Variants in C2orf76 observed in about 807,000 individuals in gnomAD.
C2orf76 encodes UPF0538 protein C2orf76.
C2orf76 carries 23 observed loss-of-function variants against 16.9 expected under a neutral mutation model. The ratio of observed to expected loss-of-function variants is 1.36; its 90% confidence interval spans 0.98 to 1.93. C2orf76 has a LOEUF of 1.93. Ranked by LOEUF, C2orf76 falls within the 30% of genes most tolerant of loss-of-function variation. The pLI is 0.00. For synonymous variants in C2orf76, 48 were observed against 52.3 expected, an observed-to-expected ratio of 0.92 and a Z score of 0.35; for missense variants, 152 against 152.6, an observed-to-expected ratio of 1.00 and a Z score of 0.02.
intron 3 of C2orf76, among the ~76,000 whole-genome samples, 173 bp from the exon 4 acceptor site, chr2:119,317,676 T>C (rs562656963): frequency 1.3e-5 from 2 of 152,284 alleles, no homozygotes; most frequent in East Asian, 3.9e-4. Flanking sequence ...CTGTAGATCA[T>C]TAAAACTGAA....
chr2:119,364,111 G>A (rs1680843776), intron 1 of C2orf76, among the ~76,000 whole-genome samples: 1 of 152,070 alleles, frequency 6.6e-6, no homozygotes, highest in Non-Finnish European at 1.5e-5. Context: ...CAGAGAGAGA[G>A]GGAGAGGAGA....
chr2:119,334,214 G>C (rs777112242), intron 2 of C2orf76, among the ~76,000 whole-genome samples: 21 of 152,030 alleles, frequency 1.4e-4, no homozygotes, highest in Non-Finnish European at 1.9e-4. Flanking sequence ...AGTTGCCAAG[G>C]GTGCAGCATG....
chr2:119,286,881 T>C, the C2orf76 span, among the ~76,000 whole-genome samples: 1 of 152,104 alleles, frequency 6.6e-6, no homozygotes, highest in Non-Finnish European at 1.5e-5. Flanking sequence ...TGAGCTGACT[T>C]CTGTTGAGGA....
intron 1 of C2orf76, among the ~76,000 whole-genome samples, chr2:119,350,445 T>G (rs544984064): frequency 1.3e-5 from 2 of 152,278 alleles, no homozygotes; most frequent in South Asian, 4.1e-4. Context: ...AGCTAGTAAC[T>G]TACCCAGCTA....
At chr2:119,308,637 G>T (rs1318357891) in intron 5 of C2orf76, among the ~76,000 whole-genome samples, 1 of 152,106 alleles carries the variant, frequency 6.6e-6, no homozygotes, top group Non-Finnish European at 1.5e-5. Context: ...CAAGACTCTG[G>T]TCTCAAAACA....
chr2:119,304,560 G>T (rs1678716549), intron 5 of C2orf76, among the ~76,000 whole-genome samples: 1 of 152,206 alleles, frequency 6.6e-6, no homozygotes, highest in African/African-American at 2.4e-5. Context: ...GCAGTGTAAA[G>T]ATTTTATTTT....
chr2:119,329,326 C>T (rs1489190646), intron 2 of C2orf76, among the ~76,000 whole-genome samples: 1 of 152,206 alleles, frequency 6.6e-6, no homozygotes, highest in Non-Finnish European at 1.5e-5. Context: ...GATACTAATA[C>T]AGTCCCTCCA....
intron 5 of C2orf76, among the ~76,000 whole-genome samples, chr2:119,305,483 T>C (rs1678746661): frequency 6.6e-6 from 1 of 152,226 alleles, no homozygotes; most frequent in Admixed American, 6.5e-5. Context: ...TCTGAGTCCC[T>C]AGCCTCATGC....
chr2:119,319,853 T>C (rs1206417844), intron 3 of C2orf76, among the ~76,000 whole-genome samples: 1 of 152,112 alleles, frequency 6.6e-6, no homozygotes, highest in Non-Finnish European at 1.5e-5. Context: ...GAGGTGGCAG[T>C]CCCGGATGAC....
intron 1 of C2orf76, among the ~76,000 whole-genome samples, chr2:119,356,100 C>G (rs1363217967): frequency 6.6e-6 from 1 of 152,104 alleles, no homozygotes; most frequent in African/African-American, 2.4e-5. Context: ...GGACCAAAGA[C>G]GAAGTCTCAA....
chr2:119,366,285 T>A (rs1264805730), intron 1 of C2orf76: 5 of 386,876 alleles, frequency 1.3e-5, no homozygotes, highest in Admixed American at 3.2e-5. Context: ...AACAAATATT[T>A]GCTGAGCACT....
the C2orf76 span, among the ~76,000 whole-genome samples, chr2:119,287,039 C>T: frequency 5.3e-5 from 8 of 152,278 alleles, no homozygotes; most frequent in Admixed American, 2.0e-4. Flanking sequence ...GGCTCCATCA[C>T]TTAGGAGCTG....
At chr2:119,343,475 T>TACACAC (rs59651595) in intron 1 of C2orf76, among the ~76,000 whole-genome samples, 50 of 146,058 alleles carry the variant, frequency 3.4e-4, no homozygotes, top group South Asian at 1.8e-3. Context: ...CACCTATACC[T>TACACAC]ACACACACAC....
chr2:119,284,681 G>GT, the C2orf76 span, among the ~76,000 whole-genome samples: 15,631 of 133,516 alleles, frequency 0.12, 1,509 homozygotes, highest in African/African-American at 0.28. Context: ...TGGGATTTTG[G>GT]TTTTTTTTTT....
intron 5 of C2orf76, among the ~76,000 whole-genome samples, chr2:119,307,499 T>C (rs1469339664): frequency 2.0e-5 from 3 of 151,950 alleles, no homozygotes; most frequent in Non-Finnish European, 4.4e-5. Context: ...CTCACTAGAA[T>C]TTTTTGTTGC....
At chr2:119,320,206 TACAC>T (rs1431478931) in intron 3 of C2orf76, among the ~76,000 whole-genome samples, 1 of 152,028 alleles carries the variant, frequency 6.6e-6, no homozygotes, top group Non-Finnish European at 1.5e-5. Flanking sequence ...GATACACACA[TACAC>T]ACACACCATG....
chr2:119,353,984 T>C (rs931187568), intron 1 of C2orf76, among the ~76,000 whole-genome samples: 4 of 152,086 alleles, frequency 2.6e-5, no homozygotes, highest in African/African-American at 9.7e-5. Context: ...TGGTTAACAG[T>C]ACATTACAAA....
intron 1 of C2orf76, among the ~76,000 whole-genome samples, chr2:119,360,551 A>G (rs1437403038): frequency 6.6e-6 from 1 of 151,986 alleles, no homozygotes; most frequent in Non-Finnish European, 1.5e-5. Context: ...ATAACAGACT[A>G]TACGTATAGT....
intron 5 of C2orf76, among the ~76,000 whole-genome samples, chr2:119,308,134 A>G (rs1281952393): frequency 1.3e-5 from 2 of 152,234 alleles, no homozygotes; most frequent in African/African-American, 4.8e-5. Context: ...TACTTTTAAA[A>G]AAAATTCGTC....
Sources: gnomAD v4.1 joint callset for allele counts (sites outside exome capture counted in the v4.1 genomes callset) on GRCh38, gnomAD v4.1.1 for gene constraint, MANE v1.5 for transcripts, NCBI Gene and HGNC (gene_info 2026-07-23, HGNC 2026-07-21) for gene names.